The following ADK variants were observed in gnomAD, a reference collection of about 807,000 sequenced individuals.
ADK encodes N6,N6-dimethyladenosine kinase.
In ADK, 24 loss-of-function variants were observed where a neutral mutation model predicts 44.7. That is an observed-to-expected ratio of 0.54 (90% CI 0.39 to 0.76). The LOEUF is 0.76. Ranked by LOEUF, ADK falls within the 30% of genes least tolerant of loss-of-function variation. The pLI, the probability that ADK is intolerant of heterozygous loss-of-function variation, is 0.00. For missense variants in ADK, 321 were observed against 425.1 expected, an observed-to-expected ratio of 0.76 and a Z score of 2.15; for synonymous variants, 128 against 142.6, an observed-to-expected ratio of 0.90 and a Z score of 0.73.
chr10:74,448,480 T>A (rs1270142673), intron 6 of ADK, among the ~76,000 whole-genome samples: 1 of 152,184 alleles, frequency 6.6e-6, no homozygotes, highest in African/African-American at 2.4e-5. Context: ...CATATATACA[T>A]ATAGTATCTT....
intron 10 of ADK, among the ~76,000 whole-genome samples, chr10:74,696,085 A>G (rs984781349): frequency 1.3e-5 from 2 of 152,038 alleles, no homozygotes; most frequent in Non-Finnish European, 2.9e-5. Flanking sequence ...CAGTGGCACA[A>G]TCTCAGCTCA....
At chr10:74,677,146 G>A (rs953989713) in intron 10 of ADK, among the ~76,000 whole-genome samples, 3 of 152,178 alleles carry the variant, frequency 2.0e-5, no homozygotes, top group Non-Finnish European at 4.4e-5. Flanking sequence ...TCCGGAGGCT[G>A]AGGTGGGAGG....
At chr10:74,639,902 C>T (rs1303692416) in intron 9 of ADK, among the ~76,000 whole-genome samples, 4 of 152,054 alleles carry the variant, frequency 2.6e-5, no homozygotes, top group South Asian at 2.1e-4. Context: ...AGTGAGTATG[C>T]CAGTGTGCTG....
chr10:74,320,394 C>T (rs892162589), intron 4 of ADK, among the ~76,000 whole-genome samples: 1 of 151,874 alleles, frequency 6.6e-6, no homozygotes, highest in African/African-American at 2.4e-5. Context: ...AAATTCTTTC[C>T]TTGTCTTTGT....
At chr10:74,332,030 G>C (rs926227467) in intron 4 of ADK, among the ~76,000 whole-genome samples, 3 of 151,422 alleles carry the variant, frequency 2.0e-5, no homozygotes, top group African/African-American at 7.3e-5. Flanking sequence ...ATTTTTTTTT[G>C]TATTTTTTGT....
rs1002521537 is a variant in ADK, at chr10:74,226,333, C to T, written c.194+1742C>T. On this transcript the variant is annotated intron_variant, in intron 3 of 10. Transcript: ENST00000539909. ...TGTTGGCCAGGCTGGTCTTGAATTC[C>T]TGACCTCAAGCGATCCACCCACCTC... is the stretch of plus-strand genomic sequence containing the variant. Among the ~76,000 whole-genome samples, 55 of 152,174 alleles carry T rather than the reference C, an allele frequency of 3.6e-4. 1 individual carries two copies. Among genetic ancestry groups the T allele is most frequent in the Admixed American group, 3.2e-3 (49 of 15,274 alleles).
intron 7 of ADK, among the ~76,000 whole-genome samples, chr10:74,559,846 T>G (rs1850390302): frequency 6.6e-6 from 1 of 151,448 alleles, no homozygotes; most frequent in African/African-American, 2.4e-5. Context: ...TCCAACTAAG[T>G]TTTTTCATGT....
At chr10:74,324,178 A>G (rs1181498421) in intron 4 of ADK, among the ~76,000 whole-genome samples, 2 of 152,062 alleles carry the variant, frequency 1.3e-5, no homozygotes, top group Non-Finnish European at 2.9e-5. Flanking sequence ...ATGTGCCACC[A>G]TGCTCAGCTA....
chr10:74,177,099 G>A (rs781770280), intron 1 of ADK, among the ~76,000 whole-genome samples: 5 of 152,158 alleles, frequency 3.3e-5, no homozygotes, highest in Non-Finnish European at 5.9e-5. Context: ...TCTGTGTGTC[G>A]CTGCTTGGTC....
Position 74,398,529 on chromosome 10 carries a change from C to T in ADK, c.505C>T (p.Leu169=), listed in dbSNP as rs778148824. The stretch of plus-strand genomic sequence containing the variant: ...TTATAAAAAGGAAAAACATCTTGAT[C>T]TGGAGAAAAACTGGATGTTGGTAGA... ...NCYKKEKHLD[L]EKNWMLVEKA... The change falls in exon 6 of 11, where the codon CTG becomes TTG. Residue 169 remains leucine (L), a synonymous_variant. Transcript: ENST00000539909. 1.9e-6 allele frequency: 3 copies of T among 1,611,588 alleles called. No homozygotes were observed. Among genetic ancestry groups the T allele is most frequent in the African/African-American group, 2.7e-5 (2 of 74,842 alleles).
chr10:74,220,337 G>T (rs1194066456), intron 2 of ADK, among the ~76,000 whole-genome samples: 1 of 152,134 alleles, frequency 6.6e-6, no homozygotes, highest in African/African-American at 2.4e-5. Flanking sequence ...TTGAATCTCT[G>T]AACAGACCAA....
intron 7 of ADK, among the ~76,000 whole-genome samples, chr10:74,531,271 TA>T (rs996003212): frequency 3.9e-5 from 6 of 152,144 alleles, no homozygotes; most frequent in African/African-American, 1.4e-4. Context: ...AGTAGAGTAT[TA>T]AAAGGAATTT....
intron 2 of ADK, among the ~76,000 whole-genome samples, chr10:74,223,631 T>C (rs1844412272): frequency 6.6e-6 from 1 of 152,150 alleles, no homozygotes; most frequent in Non-Finnish European, 1.5e-5. Flanking sequence ...CTGTGTACCC[T>C]TCAGAAAGTC....
rs183301388 is a variant in ADK, at chr10:74,246,403, G to A, written c.194+21812G>A. On this transcript the variant is annotated intron_variant, in intron 3 of 10. Coordinates refer to ENST00000539909, the MANE Select transcript of ADK (RefSeq NM_006721.4). ...AGGCAATACTTCATTCCATAAAGTA[G>A]AGTGTGTGTTCTAATGAGTTGAGCA... Among the ~76,000 whole-genome samples the A allele has an allele frequency of 7.2e-5, 11 of 152,336 alleles. No homozygotes were observed. In the East Asian group the frequency reaches 2.1e-3, roughly 29 times the overall value.
chr10:74,679,306 G>A (rs540890890), intron 10 of ADK, among the ~76,000 whole-genome samples: 43 of 152,172 alleles, frequency 2.8e-4, no homozygotes, highest in African/African-American at 1.0e-3. Flanking sequence ...AAAAGGCAGG[G>A]GCAAGAAAGT....
In ADK at chr10:74,493,446, A is replaced by ATC. The variant is rs1847562669; in HGVS notation, c.556-31809_556-31808insCT. Among the ~76,000 whole-genome samples, 5 of 151,272 alleles carry ATC rather than the reference A, an allele frequency of 3.3e-5. 1 individual carries two copies. The highest frequency in any genetic ancestry group is 1.2e-4 in the African/African-American group (5 of 41,156). On this transcript the variant is annotated intron_variant, in intron 6 of 10. Coordinates refer to ENST00000539909, the MANE Select transcript of ADK (RefSeq NM_006721.4). The stretch of plus-strand genomic sequence containing the variant: ...ATAGACCTCATCTATATATATATAT[A>ATC]TATCTCATCTATATAGAAGAGATAT...
chr10:74,229,664 T>C (rs1424359003), intron 3 of ADK, among the ~76,000 whole-genome samples: 2 of 152,162 alleles, frequency 1.3e-5, no homozygotes, highest in African/African-American at 4.8e-5. Context: ...CCCAAAGTGC[T>C]GGGATTACGG....
chr10:74,314,818 T>C lies in ADK; in HGVS notation c.273+73T>C, dbSNP rs975405319. The C allele has an allele frequency of 9.8e-6, 11 of 1,122,720 alleles. No individual in the cohort carries two copies. The African/African-American group carries it at 1.7e-4, about 17-fold the overall frequency. 69.5% of individuals were successfully genotyped at this position (1,122,720 alleles called of 1,614,324 possible). ...CCCATGTCTATTTTGCATAATTGTT[T>C]CCTTTTATATTGTGTTGCTGTAGAA... On this transcript the variant is annotated intron_variant, in intron 4 of 10. Transcript: ENST00000539909.
intron 6 of ADK, among the ~76,000 whole-genome samples, chr10:74,400,542 A>G (rs1397378654): frequency 6.6e-6 from 1 of 152,170 alleles, no homozygotes; most frequent in Non-Finnish European, 1.5e-5. Flanking sequence ...ATTCCCTTTG[A>G]TTTCAGAGCA....
Sources: gnomAD v4.1 joint callset for allele counts (sites outside exome capture counted in the v4.1 genomes callset) on GRCh38, gnomAD v4.1.1 for gene constraint, MANE v1.5 for transcripts, NCBI Gene and HGNC (gene_info 2026-07-23, HGNC 2026-07-21) for gene names.